Variants in LRIF1 observed in about 807,000 individuals in gnomAD.
The protein encoded by LRIF1 is ligand-dependent nuclear receptor-interacting factor 1.
Under a neutral mutation model 52.7 loss-of-function variants are expected in LRIF1, and 32 were observed. The ratio of observed to expected loss-of-function variants is 0.61; its 90% confidence interval spans 0.46 to 0.82. LRIF1 has a LOEUF of 0.82. Ranked by LOEUF, LRIF1 falls within the 40% of genes least tolerant of loss-of-function variation. The pLI, the probability that LRIF1 is intolerant of heterozygous loss-of-function variation, is 0.00. For missense variants in LRIF1, 887 were observed against 892.0 expected (o/e 0.99, Z 0.07); for synonymous variants, 323 against 317.4 (o/e 1.02, Z -0.19).
chr1:110,892,498 G>C, the LRIF1 span: 1 of 1,614,076 alleles, frequency 6.2e-7, no homozygotes, highest in Non-Finnish European at 8.5e-7. Flanking sequence ...GGGCTGCATG[G>C]GCTCTATCAA....
chr1:110,899,164 T>C, the LRIF1 span: 1 of 1,613,938 alleles, frequency 6.2e-7, no homozygotes. Flanking sequence ...AACTGCCAGA[T>C]TGACAAAACC....
chr1:110,931,155 C>T, the LRIF1 span, among the ~76,000 whole-genome samples: 1 of 152,118 alleles, frequency 6.6e-6, no homozygotes, highest in Non-Finnish European at 1.5e-5. Flanking sequence ...CCCTGACAGG[C>T]CCTGCTGTGT....
In LRIF1 at chr1:110,949,972, C is replaced by T; in HGVS notation, c.1748G>A (p.Cys583Tyr). The T allele has an allele frequency of 1.2e-6, 2 of 1,614,088 alleles. No homozygotes were observed. Among genetic ancestry groups the T allele is most frequent in the South Asian group, 1.1e-5 (1 of 91,080 alleles). The stretch of plus-strand genomic sequence containing the variant: ...CAAATGGTCAGGAATTCGAGTAAGG[C>T]ACACTCTCAAATCCTTAGTAAGGCC... The part of the protein sequence containing the change: ...IFGLTKDLRV[C>Y]LTRIPDHLTS... Residue 583 changes from cysteine to tyrosine, a missense_variant, in exon 3 of 4, where the codon TGC becomes TAC. Transcript: ENST00000369763.
At chr1:110,946,650 C>CTTTTT (rs1557835463), downstream of LRIF1, among the ~76,000 whole-genome samples, 1 of 130,202 alleles carries the variant, frequency 7.7e-6, no homozygotes, top group East Asian at 2.2e-4. Flanking sequence ...GAGATTTGAT[C>CTTTTT]CTTTTTTTTT....
intron 1 of LRIF1, among the ~76,000 whole-genome samples, chr1:110,961,364 T>C (rs1379977737): frequency 1.3e-5 from 2 of 152,210 alleles, no homozygotes; most frequent in Non-Finnish European, 2.9e-5. Context: ...TGATAGTAAG[T>C]GGTAAGCTAG....
At chr1:110,923,785 GAA>G in the LRIF1 span, among the ~76,000 whole-genome samples, 1 of 151,898 alleles carries the variant, frequency 6.6e-6, no homozygotes, top group African/African-American at 2.4e-5. Context: ...TATTAGAAGA[GAA>G]AAAAGAGTGA....
chr1:110,927,574 G>C, the LRIF1 span, among the ~76,000 whole-genome samples: 21,550 of 152,086 alleles, frequency 0.14, 1,907 homozygotes, highest in East Asian at 0.35. Context: ...AGTAAGAGAA[G>C]CTGAAGAAAG....
At chr1:110,959,502 A>G (rs373259452) in intron 1 of LRIF1, among the ~76,000 whole-genome samples, 52 of 152,260 alleles carry the variant, frequency 3.4e-4, no homozygotes, top group South Asian at 2.9e-3. Flanking sequence ...TTGTAATCCC[A>G]GCACCTTGGG....
At chr1:110,962,926 A>C (rs923450171) in intron 1 of LRIF1, among the ~76,000 whole-genome samples, 5 of 152,094 alleles carry the variant, frequency 3.3e-5, no homozygotes, top group East Asian at 1.9e-4. Flanking sequence ...AAAAAAAAAA[A>C]CCCAAAAACT....
intron 1 of LRIF1, among the ~76,000 whole-genome samples, chr1:110,963,085 G>A (rs941965587): frequency 6.6e-6 from 1 of 152,176 alleles, no homozygotes; most frequent in African/African-American, 2.4e-5. Context: ...GACTTTACAC[G>A]AGGATTTCTC....
the LRIF1 span, among the ~76,000 whole-genome samples, chr1:110,888,613 A>G: frequency 6.6e-6 from 1 of 152,188 alleles, no homozygotes; most frequent in Non-Finnish European, 1.5e-5. Context: ...TCCCAAATAT[A>G]TGATTTTATA....
the LRIF1 span, chr1:110,892,338 C>G: frequency 6.2e-7 from 1 of 1,612,250 alleles, no homozygotes; most frequent in Non-Finnish European, 8.5e-7. Flanking sequence ...GGGATTCTTC[C>G]TTTCAGATCT....
intron 1 of LRIF1, among the ~76,000 whole-genome samples, chr1:110,957,876 T>C (rs1439127032): frequency 6.6e-6 from 1 of 152,236 alleles, no homozygotes; most frequent in East Asian, 1.9e-4. Flanking sequence ...ATCAAGTCTA[T>C]ACGGTTTTCT....
At chr1:110,937,832 A>C in the LRIF1 span, 3 of 152,140 alleles carry the variant, frequency 2.0e-5, no homozygotes, top group Non-Finnish European at 4.4e-5. Flanking sequence ...CAGACTAAGA[A>C]GAAAAAAGGA....
the LRIF1 span, among the ~76,000 whole-genome samples, chr1:110,905,187 G>C: frequency 1.3e-5 from 2 of 152,144 alleles, no homozygotes. Context: ...TTAAAGAGGA[G>C]GTAGAGAAAG....
At chr1:110,959,959 T>C (rs1658878698) in intron 1 of LRIF1, among the ~76,000 whole-genome samples, 2 of 152,094 alleles carry the variant, frequency 1.3e-5, no homozygotes, top group South Asian at 2.1e-4. Flanking sequence ...CTTTTCTTAC[T>C]ATCTATGACA....
chr1:110,953,893 C>T (rs1658587597), intron 1 of LRIF1, among the ~76,000 whole-genome samples: 2 of 152,120 alleles, frequency 1.3e-5, no homozygotes, highest in South Asian at 4.1e-4. Context: ...TAATCCATAA[C>T]ATTATGCTTG....
chr1:110,902,503 A>C, the LRIF1 span, among the ~76,000 whole-genome samples: 1 of 143,134 alleles, frequency 7.0e-6, no homozygotes, highest in African/African-American at 2.6e-5. Context: ...ACTAAAAAAA[A>C]AAAAAAAAAA....
chr1:110,908,898 A>G, the LRIF1 span, among the ~76,000 whole-genome samples: 1 of 152,290 alleles, frequency 6.6e-6, no homozygotes, highest in African/African-American at 2.4e-5. Context: ...CCCCTGTAAG[A>G]TATTATGCAA....
Sources: allele counts gnomAD v4.1 joint callset (sites outside exome capture counted in the v4.1 genomes callset), GRCh38; gene constraint gnomAD v4.1.1; transcripts MANE v1.5; gene names NCBI Gene and HGNC (gene_info 2026-07-23, HGNC 2026-07-21).